ZNF652: variants seen among roughly 807,000 people sequenced by gnomAD.
The protein encoded by ZNF652 is zinc finger protein 652.
In ZNF652, 16 loss-of-function variants were observed where a neutral mutation model predicts 45.2. The ratio of observed to expected loss-of-function variants is 0.35; its 90% CI spans 0.24 to 0.54. The LOEUF is 0.54. Among genes scored for constraint, ZNF652 ranks in the 20% least tolerant of loss-of-function variants. ZNF652 has a pLI of 0.91. For missense variants in ZNF652, 614 were observed against 765.6 expected, an observed-to-expected ratio of 0.80 and a Z score of 2.34; for synonymous variants, 250 against 260.6, an observed-to-expected ratio of 0.96 and a Z score of 0.39.
At chr17:49,340,690 C>T (rs1035821909) in intron 1 of ZNF652, among the ~76,000 whole-genome samples, 4 of 151,548 alleles carry the variant, frequency 2.6e-5, no homozygotes, top group Non-Finnish European at 4.4e-5. Flanking sequence ...CTGAGGCAGG[C>T]GGATAGGTTG....
chr17:49,337,845 C>T (rs1351772055), intron 1 of ZNF652, among the ~76,000 whole-genome samples: 1 of 152,102 alleles, frequency 6.6e-6, no homozygotes, highest in Non-Finnish European at 1.5e-5. Context: ...TTATTATCTA[C>T]ATGCAAAGTA....
chr17:49,312,666 T>C, intron 3 of ZNF652, 32 bp downstream of exon 3: 1 of 1,602,604 alleles, frequency 6.2e-7, no homozygotes, highest in Non-Finnish European at 8.5e-7. Context: ...AAGGGAAAAT[T>C]ATAGGTATAA....
downstream of ZNF652, among the ~76,000 whole-genome samples, chr17:49,288,942 T>C (rs755644637): frequency 1.3e-5 from 2 of 152,174 alleles, no homozygotes; most frequent in Admixed American, 6.5e-5. Flanking sequence ...AACAAACTAG[T>C]GTTACTGAAA....
intron 1 of ZNF652, among the ~76,000 whole-genome samples, chr17:49,336,513 G>C (rs1174502079): frequency 6.6e-6 from 1 of 151,452 alleles, no homozygotes; most frequent in Admixed American, 6.6e-5. Flanking sequence ...TATTTTATTA[G>C]AGACAGGGTT....
At chr17:49,325,684 A>C (rs1387274449) in intron 1 of ZNF652, among the ~76,000 whole-genome samples, 1 of 151,908 alleles carries the variant, frequency 6.6e-6, no homozygotes, top group Non-Finnish European at 1.5e-5. Context: ...TTACCCAGGC[A>C]TGGTGCTGCA....
Position 49,290,403 on chromosome 17 carries a change from T to A in ZNF652, c.*8010A>T, listed in dbSNP as rs2069389491. ...ACAGAGAGGGAGCACACACAGTTTC[T>A]AACCTGGAGTGCCCGTTGCACTGGT... On this transcript the variant is annotated 3_prime_UTR_variant, in exon 6 of 6. Transcript: ENST00000430262. 1 of 152,246 alleles carries A rather than the reference T, an allele frequency of 6.6e-6. No individual in the cohort carries two copies. Among genetic ancestry groups the A allele is most frequent in the Admixed American group, 6.5e-5 (1 of 15,286 alleles). The allele number at this position is 152,246 out of a possible 1,614,324, so 9.4% of individuals were successfully genotyped here.
Position 49,342,554 on chromosome 17 carries a change from AGGGGGG to A in ZNF652, c.-259+19349_-259+19354del, listed in dbSNP as rs57671663. ...TCATTAAATGCCAGATAACAGATAA[AGGGGGG>A]GGGGGGGGGGGAATCAATACATTTT... On this transcript the variant is annotated intron_variant, in intron 1 of 5. Transcript: ENST00000430262. 7.3e-4 allele frequency among the ~76,000 whole-genome samples: 75 copies of A among 102,730 alleles called. 4 individuals carry two copies. Among genetic ancestry groups the A allele is most frequent in the African/African-American group, 2.0e-3 (58 of 28,532 alleles). 67.4% of individuals were successfully genotyped at this position (102,730 alleles called of 152,430 possible).
In ZNF652 at chr17:49,298,210, C is replaced by A; in HGVS notation, c.*203G>T. 2 of 631,830 alleles carry A rather than the reference C, an allele frequency of 3.2e-6. No homozygotes were observed. Among genetic ancestry groups the A allele is most frequent in the Non-Finnish European group, 5.2e-6 (2 of 385,338 alleles). 39.1% of individuals were successfully genotyped at this position (631,830 alleles called of 1,614,324 possible). On this transcript the variant is annotated 3_prime_UTR_variant, in exon 6 of 6. Transcript: ENST00000430262. ...AAATTGGGCTTTAGTTCAGTGGTTC[C>A]CCTGGTTTAGATGACAGTCCCTCTG...
At chr17:49,350,239 A>G (rs1207717863) in intron 1 of ZNF652, among the ~76,000 whole-genome samples, 1 of 151,930 alleles carries the variant, frequency 6.6e-6, no homozygotes, top group East Asian at 1.9e-4. Flanking sequence ...TATTCCAAAA[A>G]TAAAAAAAAA....
At position 49,312,840 on chromosome 17, in the gene ZNF652, A is replaced by G; in HGVS notation, c.906T>C (p.Val302=). ...QTDCEKNIQC[V]SCNKSFKKLW... is the part of the protein sequence containing the mutation. ...GTTTCTTGAACGATTTGTTACAGGA[A>G]ACACACTGAGCAGGATAAATAGAAA... Residue 302 remains valine, a synonymous_variant, in exon 3 of 6, where the codon GTT becomes GTC. Transcript: ENST00000430262. The G allele has an allele frequency of 6.2e-7, 1 of 1,613,818 alleles. No homozygotes were observed.
At chr17:49,300,425 G>A (rs764022446) in intron 5 of ZNF652, among the ~76,000 whole-genome samples, 13 of 152,238 alleles carry the variant, frequency 8.5e-5, no homozygotes, top group East Asian at 5.8e-4. Flanking sequence ...AGGAAATTAC[G>A]TTTGGGTTCT....
At chr17:49,346,983 T>C (rs2070211471) in intron 1 of ZNF652, among the ~76,000 whole-genome samples, 1 of 152,204 alleles carries the variant, frequency 6.6e-6, no homozygotes, top group Admixed American at 6.5e-5. Context: ...ATCAGGAATG[T>C]GTCAAAAAGA....
intron 1 of ZNF652, among the ~76,000 whole-genome samples, chr17:49,321,067 G>A (rs2054926578): frequency 1.3e-5 from 2 of 152,130 alleles, no homozygotes; most frequent in South Asian, 4.1e-4. Context: ...GTAGTTAGAT[G>A]GGGCCCTGTG....
intron 5 of ZNF652, among the ~76,000 whole-genome samples, chr17:49,307,583 A>T (rs982201436): frequency 1.5e-5 from 2 of 136,026 alleles, no homozygotes; most frequent in Non-Finnish European, 3.1e-5. Flanking sequence ...TCTACTAAAA[A>T]TACAAAAAAA....
At chr17:49,289,157 A>G (rs918992975), downstream of ZNF652, 1 of 151,772 alleles carries the variant, frequency 6.6e-6, no homozygotes, top group Non-Finnish European at 1.5e-5. Flanking sequence ...GGACCTCAAA[A>G]TGTTGTCACC....
chr17:49,345,657 C>T (rs1395119978), intron 1 of ZNF652, among the ~76,000 whole-genome samples: 4 of 149,776 alleles, frequency 2.7e-5, no homozygotes, highest in Non-Finnish European at 4.5e-5. Flanking sequence ...CTGGCTAACA[C>T]GGTGAATCCC....
chr17:49,302,075 G>A (rs947039727), intron 5 of ZNF652, among the ~76,000 whole-genome samples: 2 of 151,892 alleles, frequency 1.3e-5, no homozygotes, highest in Non-Finnish European at 2.9e-5. Context: ...AACATGGTAA[G>A]ACCCTGTCTT....
chr17:49,343,919 C>A (rs570531199), intron 1 of ZNF652, among the ~76,000 whole-genome samples: 64 of 152,174 alleles, frequency 4.2e-4, no homozygotes, highest in Non-Finnish European at 7.6e-4. Flanking sequence ...GCTAGGCCGG[C>A]CAGGCGCGGT....
chr17:49,315,871 T>C (rs1001291854), intron 2 of ZNF652, among the ~76,000 whole-genome samples: 2 of 152,202 alleles, frequency 1.3e-5, no homozygotes, highest in Non-Finnish European at 2.9e-5. Flanking sequence ...AGAGCAATGA[T>C]CTCAGATGTT....
Sources: allele counts gnomAD v4.1 joint callset (sites outside exome capture counted in the v4.1 genomes callset), GRCh38; gene constraint gnomAD v4.1.1; transcripts MANE v1.5; gene names NCBI Gene and HGNC (gene_info 2026-07-23, HGNC 2026-07-21).